Variants in LGR4 observed in about 807,000 individuals in gnomAD.
The protein encoded by LGR4 is leucine-rich repeat-containing G protein-coupled receptor 4.
LGR4 carries 44 observed loss-of-function variants against 84.8 expected under a neutral mutation model. That is an observed-to-expected ratio of 0.52 (90% CI 0.41 to 0.67). The LOEUF (loss-of-function observed/expected upper bound fraction) is 0.67, where lower values mean the gene tolerates loss of function less well. Among genes scored for constraint, LGR4 ranks in the 30% least tolerant of loss-of-function variants. LGR4 has a pLI of 0.00. For synonymous variants in LGR4, 429 were observed against 434.3 expected (o/e 0.99, Z 0.15); for missense variants, 1,032 against 1,131.4 (o/e 0.91, Z 1.26).
chr11:27,454,124 T>C (rs959259430), intron 1 of LGR4, among the ~76,000 whole-genome samples: 15 of 152,216 alleles, frequency 9.9e-5, no homozygotes, highest in African/African-American at 3.1e-4. Context: ...TCCAGGCTTT[T>C]AGATAAAAAC....
At chr11:27,462,844 G>T (rs1299266602) in intron 1 of LGR4, among the ~76,000 whole-genome samples, 1 of 151,722 alleles carries the variant, frequency 6.6e-6, no homozygotes, top group Non-Finnish European at 1.5e-5. Context: ...GAACTCGGAT[G>T]TCTTCATTTC....
chr11:27,412,792 T>C lies in LGR4; in HGVS notation c.254A>G (p.Glu85Gly), dbSNP rs1379922921. 3 of 1,554,064 alleles carry C rather than the reference T, an allele frequency of 1.9e-6. No individual in the cohort carries two copies. The highest frequency in any genetic ancestry group is 2.7e-6 in the Non-Finnish European group (3 of 1,126,198). ...DAFKNFPFLEELQLAGNDLSF... is the reference protein window; with the variant it reads ...DAFKNFPFLEGLQLAGNDLSF... ...CATTTCTCAAAGTAATACTTACAGC[T>C]CTTCTAGAAAAGGAAAGTTCTTAAA... The change falls in exon 2 of 18, where the codon GAG (glutamate) becomes GGG (glycine). Residue 85 changes from glutamate (E) to glycine (G), a missense_variant. Transcript: ENST00000379214.
rs1030159504 is a variant in LGR4, at chr11:27,387,283, C to T, written c.402-1815G>A. ...CCTCAAGAGACTGACATTCCAGTGG[C>T]GGAGGTAACATACAACACAATAAAC... On this transcript the variant is annotated intron_variant, in intron 4 of 17. Transcript: ENST00000379214. 5.9e-5 allele frequency among the ~76,000 whole-genome samples: 9 copies of T among 151,926 alleles called. 1 individual carries two copies. Among genetic ancestry groups the T allele is most frequent in the South Asian group, 4.2e-4 (2 of 4,806 alleles).
intron 4 of LGR4, 33 bp from the exon 5 acceptor site, chr11:27,385,501 C>A (rs969093336): frequency 9.1e-6 from 13 of 1,423,908 alleles, no homozygotes; most frequent in South Asian, 1.2e-5. Flanking sequence ...TGTTCAGTAA[C>A]AAATTCTAGT....
rs757191638 is a variant in LGR4, at chr11:27,380,895, A to G, written c.830T>C (p.Ile277Thr). 3.3e-6 allele frequency: 5 copies of G among 1,518,796 alleles called. No individual in the cohort carries two copies. The highest frequency in any genetic ancestry group is 1.7e-5 in the Admixed American group (1 of 59,186). The allele number at this position is 1,518,796 out of a possible 1,614,324, so 94.1% of individuals were successfully genotyped here. A position where few individuals can be genotyped will look rare whatever the true frequency, so the allele number is the denominator to read the frequency against. The stretch of plus-strand genomic sequence containing the variant: ...AAAAGAAACTTTCAAAAATACTTAC[A>G]TAGTTCTTAAGAGTGGATTACCATC... ...AFDGNPLLRTIHLYDNPLSFV... is the reference protein window; with the variant it reads ...AFDGNPLLRTTHLYDNPLSFV... Residue 277 changes from isoleucine (I) to threonine (T), a missense_variant and splice_region_variant, in exon 8 of 18, where the codon ATA (isoleucine) becomes ACA (threonine). Physicochemically the swap from Ile to Thr is moderately conservative, Grantham distance 89 (BLOSUM62 -1). Transcript: ENST00000379214.
At chr11:27,450,267 A>G (rs2035671271) in intron 1 of LGR4, among the ~76,000 whole-genome samples, 1 of 152,250 alleles carries the variant, frequency 6.6e-6, no homozygotes, top group South Asian at 2.1e-4. Flanking sequence ...AACATTCAAC[A>G]AGCCTTATAA....
intron 1 of LGR4, among the ~76,000 whole-genome samples, chr11:27,428,937 G>C (rs938179821): frequency 6.6e-6 from 1 of 152,116 alleles, no homozygotes; most frequent in Non-Finnish European, 1.5e-5. Flanking sequence ...CCGGTAGAGT[G>C]ATGCTGCTGT....
chr11:27,384,834 A>G (rs1415735351), intron 5 of LGR4, among the ~76,000 whole-genome samples: 1 of 152,174 alleles, frequency 6.6e-6, no homozygotes, highest in African/African-American at 2.4e-5. Context: ...AAGAAGCACT[A>G]TTTTGTTATG....
intron 1 of LGR4, among the ~76,000 whole-genome samples, chr11:27,441,164 T>C (rs1864299035): frequency 6.6e-6 from 1 of 152,100 alleles, no homozygotes. Context: ...TAGAGAAATA[T>C]TGGGGATCAT....
Position 27,383,933 on chromosome 11 carries a change from G to A in LGR4, c.689+403C>T, listed in dbSNP as rs79652703. 3.5e-3 allele frequency among the ~76,000 whole-genome samples: 531 copies of A among 152,178 alleles called. 22 individuals are homozygous for A. In the East Asian group the frequency reaches 0.079, roughly 23 times the overall value. On this transcript the variant is annotated intron_variant, in intron 6 of 17. Coordinates refer to ENST00000379214, the MANE Select transcript of LGR4 (RefSeq NM_018490.5). ...AAATCTTCATTTGTTACTTGTAAAA[G>A]CAGATATAGTATTCAAACCCAGTGT... is the stretch of plus-strand genomic sequence containing the variant.
intron 10 of LGR4, chr11:27,379,140 C>G (rs1427928525): frequency 4.9e-6 from 1 of 203,154 alleles, no homozygotes; most frequent in Non-Finnish European, 9.7e-6. Context: ...TTGTTTCTGT[C>G]TTTTCTTTCA....
Position 27,373,631 on chromosome 11 carries a change from C to T in LGR4, c.1299G>A (p.Leu433=), listed in dbSNP as rs1862925273. ...CAAGTTTCAGTTGATTTAGCCCATTCAGGCCTTCCGTAGGAAAGGAAGTTA... is the reference window on the plus strand; with the variant it reads ...CAAGTTTCAGTTGATTTAGCCCATTTAGGCCTTCCGTAGGAAAGGAAGTTA... ...NELTSFPTEG[L]NGLNQLKLVG... is the part of the protein sequence containing the mutation. The change falls in exon 15 of 18, where the codon CTG becomes CTA. Residue 433 remains leucine (L), a synonymous_variant. Transcript: ENST00000379214. 6.3e-7 allele frequency: 1 copy of T among 1,598,800 alleles called. No individual in the cohort carries two copies.
At chr11:27,404,820 T>A (rs1167953993) in intron 2 of LGR4, among the ~76,000 whole-genome samples, 3 of 152,168 alleles carry the variant, frequency 2.0e-5, no homozygotes. Flanking sequence ...GACAGGCTAT[T>A]TGCAACAGGA....
chr11:27,368,091 A>AT lies in LGR4; in HGVS notation c.2631dup (p.Ser878IlefsTer16). ...ACTGCCAATGCAGGACAGCTGTGTG[A>AT]TTTTATCAAGTGTTTGCATGATACT... On this transcript the variant is annotated frameshift_variant, in exon 18 of 18. Transcript: ENST00000379214. LOFTEE classifies it high-confidence loss of function. 6.3e-7 allele frequency: 1 copy of AT among 1,595,838 alleles called. No individual in the cohort carries two copies. Among genetic ancestry groups the AT allele is most frequent in the Non-Finnish European group, 8.6e-7 (1 of 1,169,216 alleles).
intron 1 of LGR4, among the ~76,000 whole-genome samples, chr11:27,431,357 A>C (rs536724753): frequency 2.6e-5 from 4 of 152,284 alleles, no homozygotes; most frequent in African/African-American, 7.2e-5. Flanking sequence ...AGTATATTAC[A>C]ATGGCCCCTT....
At chr11:27,398,131 T>A (rs1319187709) in intron 2 of LGR4, among the ~76,000 whole-genome samples, 1 of 152,208 alleles carries the variant, frequency 6.6e-6, no homozygotes, top group African/African-American at 2.4e-5. Flanking sequence ...TTTTCAATAA[T>A]ATCCTTGACT....
intron 9 of LGR4, 41 bp from the exon 10 acceptor site, chr11:27,380,380 T>G (rs2448005): frequency 0.31 from 464,327 of 1,479,976 alleles, 74,791 homozygotes; most frequent in South Asian, 0.42. Flanking sequence ...TTTAAATTTT[T>G]TTTCATATTT....
intron 1 of LGR4, among the ~76,000 whole-genome samples, chr11:27,423,574 G>A (rs1863963495): frequency 1.3e-5 from 2 of 152,210 alleles, no homozygotes; most frequent in African/African-American, 4.8e-5. Flanking sequence ...TCTATTAACT[G>A]TAAGACAATA....
At chr11:27,458,969 T>G (rs1179301602) in intron 1 of LGR4, among the ~76,000 whole-genome samples, 1 of 152,130 alleles carries the variant, frequency 6.6e-6, no homozygotes, top group Non-Finnish European at 1.5e-5. Flanking sequence ...ATAGATTCAT[T>G]TATGAAGAAC....
Sources: allele counts gnomAD v4.1 joint callset (sites outside exome capture counted in the v4.1 genomes callset), GRCh38; gene constraint gnomAD v4.1.1; transcripts MANE v1.5; gene names NCBI Gene and HGNC (gene_info 2026-07-23, HGNC 2026-07-21).